Variants in DLAT observed in about 807,000 individuals in gnomAD.
The protein encoded by DLAT is dihydrolipoyllysine-residue acetyltransferase component of pyruvate dehydrogenase complex, mitochondrial.
Under a neutral mutation model 68.0 loss-of-function variants are expected in DLAT, and 43 were observed. The ratio of observed to expected loss-of-function variants is 0.63; its 90% confidence interval spans 0.50 to 0.81. The LOEUF (loss-of-function observed/expected upper bound fraction) is 0.81, where lower values mean the gene tolerates loss of function less well. Among genes scored for constraint, DLAT ranks in the 40% least tolerant of loss-of-function variants. DLAT has a pLI of 0.00. For missense variants in DLAT, 745 were observed against 815.4 expected, an observed-to-expected ratio of 0.91 and a Z score of 1.05; for synonymous variants, 265 against 288.6, an observed-to-expected ratio of 0.92 and a Z score of 0.83.
rs1202733948 is a variant in DLAT, at chr11:112,051,716, C to T, written c.1514+367C>T. Among the ~76,000 whole-genome samples, 2 of 151,780 alleles carry T rather than the reference C, an allele frequency of 1.3e-5. No homozygotes were observed. Among genetic ancestry groups the T allele is most frequent in the African/African-American group, 2.4e-5 (1 of 41,262 alleles). ...GGTGTGAGCCACAGTGTCCAGCCTGCGATATTGCTGGATTTAGCTAGTAAA... is the reference window on the plus strand; with the variant it reads ...GGTGTGAGCCACAGTGTCCAGCCTGTGATATTGCTGGATTTAGCTAGTAAA... On this transcript the variant is annotated intron_variant, in intron 11 of 13. Coordinates refer to ENST00000280346, the MANE Select transcript of DLAT (RefSeq NM_001931.5). This position sits in a 1 kb window ranked among gnomAD's most constrained non-coding sequence, Gnocchi z 4.3.
At chr11:112,039,423 T>A (rs1555180837) in intron 7 of DLAT, 26 bp downstream of exon 7, 9 of 1,612,268 alleles carry the variant, frequency 5.6e-6, no homozygotes, top group Non-Finnish European at 7.6e-6. Flanking sequence ...TAGAATGGAC[T>A]TTATAAAGTT....
Position 112,037,373 on chromosome 11 carries a change from AG to A in DLAT, c.889del (p.Glu297ArgfsTer15). The A allele has an allele frequency of 6.2e-7, 1 of 1,614,244 alleles. No individual in the cohort carries two copies. The highest frequency in any genetic ancestry group is 8.5e-7 in the Non-Finnish European group (1 of 1,180,036). ...CCCCACTCTGTATCATTGTAGAAAA[AG>A]AGGCAGATATATCAGCATTTGCTGA... is the stretch of plus-strand genomic sequence containing the variant. ...GTPLCIIVEKEADISAFADYR... is the reference protein window; with the variant it reads ...GTPLCIIVEKXADISAFADYR... On this transcript the variant is annotated frameshift_variant, in exon 6 of 14. Transcript: ENST00000280346. LOFTEE classifies it high-confidence loss of function.
intron 5 of DLAT, among the ~76,000 whole-genome samples, chr11:112,036,201 G>GTTTTTTGTTTTTTTTTTTT (rs1862755018): frequency 5.5e-5 from 2 of 36,476 alleles, no homozygotes; most frequent in African/African-American, 1.8e-4. Context: ...GTGTGTGTGT[G>GTTTTTTGTTTTTTTTTTTT]TTTTTTTTTT....
At chr11:112,048,297 G>A (rs1317201317) in intron 10 of DLAT, among the ~76,000 whole-genome samples, 2 of 152,144 alleles carry the variant, frequency 1.3e-5, no homozygotes, top group African/African-American at 2.4e-5. Context: ...AGGAATGCTT[G>A]TGATTTTTGC....
At chr11:112,049,861 T>A (rs1863517902) in intron 10 of DLAT, among the ~76,000 whole-genome samples, 1 of 152,256 alleles carries the variant, frequency 6.6e-6, no homozygotes, top group Non-Finnish European at 1.5e-5. Context: ...ACTTTTTTCA[T>A]TTTGACCTGT....
In DLAT at chr11:112,037,460, G is replaced by C; in HGVS notation, c.975G>C (p.Pro325=). The C allele has an allele frequency of 6.2e-7, 1 of 1,613,990 alleles. No individual in the cohort carries two copies. Among genetic ancestry groups the C allele is most frequent in the Non-Finnish European group, 8.5e-7 (1 of 1,179,944 alleles). The change falls in exon 6 of 14, where the codon CCG becomes CCC. Residue 325 remains proline, a splice_region_variant and synonymous_variant. Coordinates refer to ENST00000280346, the MANE Select transcript of DLAT (RefSeq NM_001931.5). ...KPQVPPPTPP[P]VAAVPPTPQP... is the part of the protein sequence containing the mutation. ...AAGTGCCACCACCTACCCCACCCCC[G>C]GTAGGTATGCTTCTAGAATTCAGGA... is the stretch of plus-strand genomic sequence containing the variant.
intron 12 of DLAT, among the ~76,000 whole-genome samples, chr11:112,060,458 C>T (rs112458207): frequency 0.025 from 3,776 of 151,778 alleles, 162 homozygotes; most frequent in African/African-American, 0.086. Flanking sequence ...CCACGCCCAG[C>T]GTAATTCTTT....
intron 2 of DLAT, among the ~76,000 whole-genome samples, chr11:112,027,636 G>A (rs1170012378): frequency 5.9e-5 from 9 of 152,310 alleles, no homozygotes; most frequent in African/African-American, 1.7e-4. Flanking sequence ...ACCAGACTCC[G>A]TCTGCAATCC....
intron 10 of DLAT, among the ~76,000 whole-genome samples, chr11:112,048,477 G>T (rs1163097535): frequency 3.3e-5 from 5 of 152,044 alleles, no homozygotes; most frequent in African/African-American, 1.2e-4. Context: ...TTGCCTGATT[G>T]CCCTGGCCAG....
In DLAT at chr11:112,026,095, A is replaced by G. The variant is rs1170315837; in HGVS notation, c.280-103A>G. On this transcript the variant is annotated intron_variant, in intron 1 of 13. Coordinates refer to ENST00000280346, the MANE Select transcript of DLAT (RefSeq NM_001931.5). ...TCCCTAGTTCCCAATGTGCAATGGAACTGTATACACTTTGCATGAAATTGA... is the reference window on the plus strand; with the variant it reads ...TCCCTAGTTCCCAATGTGCAATGGAGCTGTATACACTTTGCATGAAATTGA... 109 of 950,674 alleles carry G rather than the reference A, an allele frequency of 1.1e-4. 1 individual carries two copies. In the South Asian group the frequency reaches 1.2e-3, roughly 11 times the overall value. 58.9% of individuals were successfully genotyped at this position (950,674 alleles called of 1,614,324 possible).
chr11:112,055,745 T>C (rs985412397), intron 11 of DLAT, among the ~76,000 whole-genome samples: 3 of 151,832 alleles, frequency 2.0e-5, no homozygotes, highest in East Asian at 1.9e-4. Context: ...TCAAGGAATT[T>C]ATATTCCTTA....
intron 8 of DLAT, among the ~76,000 whole-genome samples, chr11:112,043,743 T>G (rs1161530014): frequency 1.3e-5 from 2 of 152,330 alleles, no homozygotes; most frequent in Non-Finnish European, 2.9e-5. Context: ...TTAAGTCTCT[T>G]ATATAAAATA....
chr11:112,045,487 A>T (rs934917740), intron 9 of DLAT, among the ~76,000 whole-genome samples: 2 of 152,134 alleles, frequency 1.3e-5, no homozygotes, highest in Middle Eastern at 3.2e-3. Context: ...AGACTTCGAG[A>T]CCAGCCTGGC....
At position 112,045,192 on chromosome 11, in the gene DLAT, G is replaced by T. The variant is rs1555181354; in HGVS notation, c.1252G>T (p.Gly418Cys). ...TCCTGGAATGGCACCAGTTCCTACA[G>T]GTGTCTTCACAGATATCCCAATCAG... The part of the protein sequence containing the change: ...TGPGMAPVPT[G>C]VFTDIPISNI... Residue 418 changes from glycine (G) to cysteine (C), a missense_variant, in exon 9 of 14, where the codon GGT becomes TGT. Transcript: ENST00000280346. 3 of 1,614,118 alleles carry T rather than the reference G, an allele frequency of 1.9e-6. No homozygotes were observed. The Admixed American group carries it at 5.0e-5, about 27-fold the overall frequency.
chr11:112,030,632 A>G (rs1862342344), intron 4 of DLAT, among the ~76,000 whole-genome samples: 2 of 152,228 alleles, frequency 1.3e-5, no homozygotes, highest in Non-Finnish European at 1.5e-5. Flanking sequence ...AGTGAATGTA[A>G]TCACTGTTGA....
intron 11 of DLAT, among the ~76,000 whole-genome samples, chr11:112,057,441 A>G (rs949445963): frequency 2.0e-5 from 3 of 152,246 alleles, no homozygotes; most frequent in Non-Finnish European, 4.4e-5. Flanking sequence ...CCAACTTGTG[A>G]ATACAAAGAA....
chr11:112,041,014 A>G (rs1555180980), intron 7 of DLAT, among the ~76,000 whole-genome samples: 3 of 152,134 alleles, frequency 2.0e-5, no homozygotes. Flanking sequence ...TCTACACATC[A>G]GACACTTGTT....
intron 5 of DLAT, among the ~76,000 whole-genome samples, chr11:112,035,438 G>A (rs782810756): frequency 3.0e-4 from 45 of 151,934 alleles, no homozygotes; most frequent in Non-Finnish European, 5.0e-4. Flanking sequence ...GTGTTACCTT[G>A]GTTGAACTTT....
chr11:112,062,264 C>G, intron 13 of DLAT, 142 bp from the exon 14 acceptor site: 2 of 868,508 alleles, frequency 2.3e-6, no homozygotes, highest in Non-Finnish European at 3.5e-6. Flanking sequence ...TAAATTTGAG[C>G]TAAAGGTATA....
Sources: gnomAD v4.1 joint callset for allele counts (sites outside exome capture counted in the v4.1 genomes callset) on GRCh38, gnomAD v4.1.1 for gene constraint, Gnocchi (gnomAD v3.1) non-coding constraint, MANE v1.5 for transcripts, NCBI Gene and HGNC (gene_info 2026-07-23, HGNC 2026-07-21) for gene names.